The following SNTB1 variants were observed in gnomAD, a reference collection of about 807,000 sequenced individuals.
The protein encoded by SNTB1 is beta-1-syntrophin.
SNTB1 carries 36 observed loss-of-function variants against 48.9 expected under a neutral mutation model. The ratio of observed to expected loss-of-function variants is 0.74; its 90% CI spans 0.56 to 0.97. The LOEUF (loss-of-function observed/expected upper bound fraction) is 0.97. Ranked by LOEUF, SNTB1 falls within the 50% of genes least tolerant of loss-of-function variation. The pLI, the probability that SNTB1 is intolerant of heterozygous loss-of-function variation, is 0.00. For synonymous variants in SNTB1, 299 were observed against 294.6 expected (o/e 1.01, Z -0.15); for missense variants, 786 against 703.4 (o/e 1.12, Z -1.33).
intron 1 of SNTB1, among the ~76,000 whole-genome samples, chr8:120,750,534 G>C (rs1198826985): frequency 2.6e-5 from 4 of 152,118 alleles, no homozygotes; most frequent in Non-Finnish European, 5.9e-5. Context: ...GTCCTCAGAT[G>C]CAGGTCACTG....
chr8:120,687,440 A>G (rs895684396), intron 2 of SNTB1, among the ~76,000 whole-genome samples: 1 of 152,222 alleles, frequency 6.6e-6, no homozygotes, highest in Non-Finnish European at 1.5e-5. Flanking sequence ...ACCTCAGGCT[A>G]TTTATGTACA....
intron 2 of SNTB1, among the ~76,000 whole-genome samples, chr8:120,672,933 G>A (rs1360079709): frequency 6.6e-6 from 1 of 152,154 alleles, no homozygotes; most frequent in East Asian, 1.9e-4. Context: ...GCAGGAGGAA[G>A]GGAAAACCAT....
intron 2 of SNTB1, among the ~76,000 whole-genome samples, chr8:120,656,094 A>G (rs1817497042): frequency 1.3e-5 from 2 of 152,184 alleles, no homozygotes; most frequent in African/African-American, 4.8e-5. Context: ...AATATCCTTA[A>G]CTAGAGTTGG....
At chr8:120,648,321 T>C (rs1158523001) in intron 2 of SNTB1, among the ~76,000 whole-genome samples, 3 of 151,482 alleles carry the variant, frequency 2.0e-5, no homozygotes, top group Non-Finnish European at 4.4e-5. Flanking sequence ...TTCCTTTCCA[T>C]GTTTAGTGCT....
chr8:120,745,399 T>C (rs1819110525), intron 1 of SNTB1, among the ~76,000 whole-genome samples: 2 of 152,060 alleles, frequency 1.3e-5, no homozygotes, highest in South Asian at 4.2e-4. Flanking sequence ...TATAGCCCCA[T>C]CCTACAGACG....
At chr8:120,784,881 C>A (rs1819896244) in intron 1 of SNTB1, among the ~76,000 whole-genome samples, 1 of 152,196 alleles carries the variant, frequency 6.6e-6, no homozygotes, top group African/African-American at 2.4e-5. Flanking sequence ...ACTGAGTCTG[C>A]AGAGTTTAAG....
intron 1 of SNTB1, among the ~76,000 whole-genome samples, chr8:120,707,230 A>G (rs1818392574): frequency 6.6e-6 from 1 of 152,164 alleles, no homozygotes; most frequent in Non-Finnish European, 1.5e-5. Flanking sequence ...TGAAAGCCTA[A>G]CAACTTTCCC....
intron 4 of SNTB1, among the ~76,000 whole-genome samples, chr8:120,564,315 A>G (rs922735584): frequency 2.0e-5 from 3 of 152,078 alleles, no homozygotes; most frequent in Non-Finnish European, 4.4e-5. Context: ...GAGAGCTTGC[A>G]TTCTCCCTCC....
At chr8:120,710,870 C>G (rs966152653) in intron 1 of SNTB1, among the ~76,000 whole-genome samples, 2 of 151,972 alleles carry the variant, frequency 1.3e-5, no homozygotes, top group Non-Finnish European at 2.9e-5. Context: ...TACAAATAGA[C>G]TAAAACAATA....
intron 1 of SNTB1, among the ~76,000 whole-genome samples, chr8:120,805,400 G>C (rs1192067529): frequency 6.6e-6 from 1 of 152,128 alleles, no homozygotes; most frequent in Non-Finnish European, 1.5e-5. Flanking sequence ...AATCACAAGG[G>C]TCCTTAAAAA....
At chr8:120,635,125 A>G in intron 2 of SNTB1, among the ~76,000 whole-genome samples, 1 of 152,206 alleles carries the variant, frequency 6.6e-6, no homozygotes, top group Non-Finnish European at 1.5e-5. Context: ...CAAAAATTTT[A>G]TGTGATGGAA....
At position 120,650,038 on chromosome 8, in the gene SNTB1, C is replaced by T. The variant is rs1817385082; in HGVS notation, c.789-17387G>A. Among the ~76,000 whole-genome samples the T allele has an allele frequency of 2.0e-5, 3 of 152,274 alleles. No individual in the cohort carries two copies. In the South Asian group the frequency reaches 6.2e-4, roughly 32 times the overall value. On this transcript the variant is annotated intron_variant, in intron 2 of 6. Coordinates refer to ENST00000517992, the MANE Select transcript of SNTB1 (RefSeq NM_021021.4). ...GCCCTGCTTCGGCTCGCGCACGGTG[C>T]ACGCACCCACTGACCTGCGCCCACT...
intron 2 of SNTB1, among the ~76,000 whole-genome samples, chr8:120,661,035 G>A (rs1265236136): frequency 3.3e-5 from 5 of 152,176 alleles, no homozygotes; most frequent in South Asian, 4.2e-4. Context: ...CAAAGTTACC[G>A]GTCACAGATC....
At chr8:120,694,556 T>C (rs2129866302) in intron 1 of SNTB1, among the ~76,000 whole-genome samples, 1 of 151,460 alleles carries the variant, frequency 6.6e-6, no homozygotes, top group Non-Finnish European at 1.5e-5. Flanking sequence ...TAATTCTTAA[T>C]ATATATCATT....
At chr8:120,735,763 C>T (rs966926258) in intron 1 of SNTB1, among the ~76,000 whole-genome samples, 1 of 152,034 alleles carries the variant, frequency 6.6e-6, no homozygotes, top group Non-Finnish European at 1.5e-5. Flanking sequence ...GTTTTGGTAG[C>T]CTTGGCAAAC....
chr8:120,615,022 G>A (rs984079472), intron 3 of SNTB1, among the ~76,000 whole-genome samples: 5 of 148,642 alleles, frequency 3.4e-5, no homozygotes, highest in Admixed American at 6.7e-5. Context: ...GTGGTGGCAC[G>A]CACCTGTAGT....
intron 1 of SNTB1, among the ~76,000 whole-genome samples, chr8:120,763,662 G>A (rs1253552624): frequency 2.0e-5 from 3 of 151,966 alleles, no homozygotes; most frequent in Non-Finnish European, 2.9e-5. Context: ...ACTAATAAGA[G>A]GCTAATTTCC....
chr8:120,806,142 A>T (rs755911901), intron 1 of SNTB1, among the ~76,000 whole-genome samples: 1 of 152,242 alleles, frequency 6.6e-6, no homozygotes, highest in Non-Finnish European at 1.5e-5. Context: ...ACCAGTTCTC[A>T]AGAAGGTGGG....
chr8:120,640,860 G>A lies in SNTB1; in HGVS notation c.789-8209C>T, dbSNP rs1207391383. On this transcript the variant is annotated intron_variant, in intron 2 of 6. Coordinates refer to ENST00000517992, the MANE Select transcript of SNTB1 (RefSeq NM_021021.4). The stretch of plus-strand genomic sequence containing the variant: ...TTCTTTTTTTTGTTGTGTCTGCCAG[G>A]CTTTGGTATCAGGATGATGCTAGCC... Among the ~76,000 whole-genome samples, 11 of 152,190 alleles carry A rather than the reference G, an allele frequency of 7.2e-5. No homozygotes were observed. The South Asian group carries it at 1.7e-3, about 23-fold the overall frequency.
Sources: allele counts gnomAD v4.1 joint callset (sites outside exome capture counted in the v4.1 genomes callset), GRCh38; gene constraint gnomAD v4.1.1; transcripts MANE v1.5; gene names NCBI Gene and HGNC (gene_info 2026-07-23, HGNC 2026-07-21).